The following MYB variants were observed in gnomAD, a reference collection of about 807,000 sequenced individuals.
The protein encoded by MYB is MYB proto-oncogene, transcription factor.
A neutral mutation model predicts 92.9 loss-of-function variants in MYB; 28 were observed. The observed-to-expected ratio is 0.30, with a 90% CI of 0.22 to 0.41. The LOEUF is 0.41. Among genes scored for constraint, MYB ranks in the 10% least tolerant of loss-of-function variants. MYB has a pLI of 1.00. For synonymous variants in MYB, 295 were observed against 329.1 expected (o/e 0.90, Z 1.12); for missense variants, 679 against 929.3 (o/e 0.73, Z 3.50).
chr6:135,200,345 C>T lies in MYB; in HGVS notation c.1880C>T (p.Ser627Phe), dbSNP rs1251601513. The T allele has an allele frequency of 6.2e-7, 1 of 1,614,156 alleles. No individual in the cohort carries two copies. The highest frequency in any genetic ancestry group is 8.5e-7 in the Non-Finnish European group (1 of 1,180,004). Residue 627 changes from serine to phenylalanine, a missense_variant, in exon 13 of 16, where the codon TCT (serine) becomes TTT (phenylalanine). Transcript: ENST00000341911. ...CTGCAGGATGTGATCAAACAGGAATCTGATGAATCTGGAATTGTTGCTGAG... is the reference window on the plus strand; with the variant it reads ...CTGCAGGATGTGATCAAACAGGAATTTGATGAATCTGGAATTGTTGCTGAG... ...EDLQDVIKQE[S>F]DESGIVAEFQ...
intron 15 of MYB, among the ~76,000 whole-genome samples, chr6:135,215,852 A>G (rs902279049): frequency 6.6e-6 from 1 of 152,086 alleles, no homozygotes; most frequent in African/African-American, 2.4e-5. Context: ...ACAACACCAC[A>G]AACCTGCGCA....
Position 135,194,366 on chromosome 6 carries a change from A to G in MYB, c.854A>G (p.Asn285Ser). 6.2e-7 allele frequency: 1 copy of G among 1,609,226 alleles called. No homozygotes were observed. Among genetic ancestry groups the G allele is most frequent in the Non-Finnish European group, 8.5e-7 (1 of 1,176,838 alleles). ...PAAAAIQRHY[N>S]DEDPEKEKRI... ...ACTTTGTAATTTCAGAGACACTATA[A>G]TGATGAAGACCCTGAGAAGGAAAAG... Residue 285 changes from asparagine to serine, a missense_variant, in exon 8 of 16, where the codon AAT becomes AGT. Asn to Ser is a conservative substitution (Grantham distance 46). Transcript: ENST00000341911.
At chr6:135,210,128 AG>A (rs1176361074) in intron 15 of MYB, among the ~76,000 whole-genome samples, 1 of 152,254 alleles carries the variant, frequency 6.6e-6, no homozygotes, top group Non-Finnish European at 1.5e-5. Context: ...TTTTGAAAAA[AG>A]CACATTATGC....
In MYB at chr6:135,193,905, C is replaced by G; in HGVS notation, c.830C>G (p.Ala277Gly). Reference sequence around the variant, plus strand: ...ATAGTCAATGTCCCTCAGCCAGCTGCCGCAGCCATTCAGGTAAGATCATTG... The same window carrying G: ...ATAGTCAATGTCCCTCAGCCAGCTGGCGCAGCCATTCAGGTAAGATCATTG... ...VNIVNVPQPA[A>G]AAIQRHYNDE... The change falls in exon 7 of 16, where the codon GCC (alanine) becomes GGC (glycine). Residue 277 changes from alanine (A) to glycine (G), a missense_variant. Ala to Gly is a moderately conservative substitution (Grantham distance 60, BLOSUM62 0). Coordinates refer to ENST00000341911, the MANE Select transcript of MYB (RefSeq NM_001130173.2). 6.2e-7 allele frequency: 1 copy of G among 1,608,700 alleles called. No homozygotes were observed. Among genetic ancestry groups the G allele is most frequent in the Non-Finnish European group, 8.5e-7 (1 of 1,175,124 alleles).
At chr6:135,212,028 C>G (rs1359035128) in intron 15 of MYB, among the ~76,000 whole-genome samples, 1 of 151,946 alleles carries the variant, frequency 6.6e-6, no homozygotes, top group African/African-American at 2.4e-5. Flanking sequence ...TCCATTTTTT[C>G]AAAAGATGTC....
In MYB at chr6:135,190,377, G is replaced by A. The variant is rs1776471178; in HGVS notation, c.527+30G>A. 2.6e-6 allele frequency: 4 copies of A among 1,558,640 alleles called. No homozygotes were observed. The highest frequency in any genetic ancestry group is 2.2e-5 in the East Asian group (1 of 44,462). The stretch of plus-strand genomic sequence containing the variant: ...TAATATGTCAAAAAATATATTGATC[G>A]GGAAGAATGAGGGAGTGGGTATTGA... On this transcript the variant is annotated intron_variant, in intron 5 of 15. Coordinates refer to ENST00000341911, the MANE Select transcript of MYB (RefSeq NM_001130173.2). The surrounding 1 kb of genome is among the most constrained non-coding windows in gnomAD (Gnocchi z 4.5).
intron 15 of MYB, among the ~76,000 whole-genome samples, chr6:135,204,462 A>C (rs538934427): frequency 9.9e-5 from 15 of 152,160 alleles, no homozygotes; most frequent in Admixed American, 3.9e-4. Context: ...CCGGCAACCC[A>C]GCCGTTTTTT....
intron 14 of MYB, chr6:135,202,961 G>C (rs1205141794): frequency 8.7e-6 from 6 of 686,068 alleles, no homozygotes; most frequent in Non-Finnish European, 1.6e-5. Flanking sequence ...TTTTTTGAGT[G>C]CCTAACACAT....
chr6:135,187,207 A>T (rs1776036579), intron 2 of MYB, among the ~76,000 whole-genome samples: 1 of 152,222 alleles, frequency 6.6e-6, no homozygotes, highest in Non-Finnish European at 1.5e-5. Context: ...GAAATGTTTA[A>T]TGTCTTTTAT....
rs1289256416 is a variant in MYB at position 135,182,515 on chromosome 6, G to C, written c.23+979G>C. Among the ~76,000 whole-genome samples, 2 of 152,198 alleles carry C rather than the reference G, an allele frequency of 1.3e-5. No individual in the cohort carries two copies. The highest frequency in any genetic ancestry group is 2.9e-5 in the Non-Finnish European group (2 of 68,026). ...GCCGCGCAACCGGGACGCGATCCCC[G>C]CGGGCTCTGCCCCCAGGCGAAAGGT... is the stretch of plus-strand genomic sequence containing the variant. On this transcript the variant is annotated intron_variant, in intron 1 of 15. Transcript: ENST00000341911. This position sits in a 1 kb window ranked among gnomAD's most constrained non-coding sequence, Gnocchi z 5.6.
chr6:135,191,619 C>G (rs534125977), intron 5 of MYB, among the ~76,000 whole-genome samples: 1 of 152,290 alleles, frequency 6.6e-6, no homozygotes, highest in African/African-American at 2.4e-5. Flanking sequence ...TCCCCCACCC[C>G]CATTGAAATA....
chr6:135,189,967 A>C, intron 4 of MYB, 84 bp downstream of exon 4: 2 of 1,471,054 alleles, frequency 1.4e-6, no homozygotes, highest in Non-Finnish European at 1.9e-6. Context: ...GGAAGCAGGT[A>C]AAATGGGCAA....
intron 3 of MYB, among the ~76,000 whole-genome samples, chr6:135,188,377 G>A (rs990690789): frequency 2.0e-5 from 3 of 151,958 alleles, no homozygotes; most frequent in Non-Finnish European, 4.4e-5. Context: ...TTTATAGTCA[G>A]TCCCGTCCTT....
At chr6:135,198,637 CAA>C (rs780659530) in intron 10 of MYB, among the ~76,000 whole-genome samples, 10 of 152,192 alleles carry the variant, frequency 6.6e-5, no homozygotes, top group Non-Finnish European at 1.0e-4. Flanking sequence ...TCTTTAATGA[CAA>C]GTGTCATTTA....
At chr6:135,216,139 T>C (rs758665510) in intron 15 of MYB, among the ~76,000 whole-genome samples, 1 of 152,196 alleles carries the variant, frequency 6.6e-6, no homozygotes, top group Non-Finnish European at 1.5e-5. Context: ...GCTGGGGCAC[T>C]GTGCTTTATG....
At chr6:135,214,938 A>G (rs1388565626) in intron 15 of MYB, among the ~76,000 whole-genome samples, 1 of 152,234 alleles carries the variant, frequency 6.6e-6, no homozygotes, top group Non-Finnish European at 1.5e-5. Context: ...AATAGAAGGC[A>G]ATTCAGAATA....
chr6:135,188,492 CTTTT>C (rs528623055), intron 3 of MYB, among the ~76,000 whole-genome samples: 1 of 133,890 alleles, frequency 7.5e-6, no homozygotes, highest in East Asian at 2.1e-4. Context: ...ATTTTTCTTT[CTTTT>C]TTTTTTTTTT....
chr6:135,206,222 A>ATAATAAT (rs1455172188), intron 15 of MYB, among the ~76,000 whole-genome samples: 1 of 126,938 alleles, frequency 7.9e-6, no homozygotes, highest in African/African-American at 3.0e-5. Flanking sequence ...AAAAAAAAAA[A>ATAATAAT]AAAAATAATA....
chr6:135,194,750 AAAATG>A, intron 8 of MYB: 1 of 596,866 alleles, frequency 1.7e-6, no homozygotes, highest in East Asian at 3.0e-5. Context: ...TAGCAAAGAT[AAAATG>A]AATGAAAATC....
Sources: gnomAD v4.1 joint callset for allele counts (sites outside exome capture counted in the v4.1 genomes callset) on GRCh38, gnomAD v4.1.1 for gene constraint, Gnocchi (gnomAD v3.1) non-coding constraint, MANE v1.5 for transcripts, NCBI Gene and HGNC (gene_info 2026-07-23, HGNC 2026-07-21) for gene names.